QTMAN: variants seen among roughly 807,000 people sequenced by gnomAD.
QTMAN encodes queuosine-tRNA mannosyltransferase.
the QTMAN span, chr2:144,319,924 C>T: frequency 6.6e-6 from 1 of 152,194 alleles, no homozygotes; most frequent in Non-Finnish European, 1.5e-5. Flanking sequence ...TCTATTTCAG[C>T]ACTGCTAAGC....
the QTMAN span, among the ~76,000 whole-genome samples, chr2:144,201,250 T>C: frequency 6.6e-6 from 1 of 152,104 alleles, no homozygotes; most frequent in African/African-American, 2.4e-5. Flanking sequence ...GAGAAAGCCA[T>C]GAAGAACAAG....
At chr2:144,316,463 T>C in the QTMAN span, among the ~76,000 whole-genome samples, 1 of 152,164 alleles carries the variant, frequency 6.6e-6, no homozygotes, top group Non-Finnish European at 1.5e-5. Flanking sequence ...CCAGTCCTCT[T>C]TCAAGTACTT....
chr2:144,088,025 T>A, the QTMAN span, among the ~76,000 whole-genome samples: 1 of 152,036 alleles, frequency 6.6e-6, no homozygotes, highest in African/African-American at 2.4e-5. Flanking sequence ...ATTGTCCCTC[T>A]TTGCTGATAT....
At chr2:144,122,735 T>C in the QTMAN span, among the ~76,000 whole-genome samples, 2 of 152,242 alleles carry the variant, frequency 1.3e-5, no homozygotes, top group East Asian at 3.8e-4. Context: ...AGTATTCACG[T>C]ATTTTATCAG....
At chr2:143,953,107 T>C in the QTMAN span, among the ~76,000 whole-genome samples, 2 of 151,872 alleles carry the variant, frequency 1.3e-5, no homozygotes, top group Admixed American at 1.3e-4. Context: ...TTTTTTTGTT[T>C]TTAAAATACT....
At chr2:143,952,391 A>G in the QTMAN span, among the ~76,000 whole-genome samples, 1 of 151,490 alleles carries the variant, frequency 6.6e-6, no homozygotes, top group African/African-American at 2.4e-5. Flanking sequence ...CCCGTACAAC[A>G]GTTGCATATT....
At chr2:144,000,765 A>C in the QTMAN span, among the ~76,000 whole-genome samples, 1 of 152,078 alleles carries the variant, frequency 6.6e-6, no homozygotes, top group Admixed American at 6.6e-5. Context: ...TGAAAAGCAG[A>C]TGGCCAGAGC....
the QTMAN span, chr2:143,970,893 G>A: frequency 1.6e-6 from 1 of 629,966 alleles, no homozygotes; most frequent in African/African-American, 1.9e-5. Context: ...TATCCAAGTG[G>A]AGATTTCTTC....
the QTMAN span, among the ~76,000 whole-genome samples, chr2:144,123,428 G>T: frequency 1.8e-4 from 28 of 152,042 alleles, no homozygotes; most frequent in African/African-American, 5.8e-4. Flanking sequence ...GCATAAACTT[G>T]ACTTACCAGA....
the QTMAN span, among the ~76,000 whole-genome samples, chr2:144,057,863 A>C: frequency 6.6e-6 from 1 of 152,042 alleles, no homozygotes; most frequent in Non-Finnish European, 1.5e-5. Context: ...CACTTTTCAG[A>C]GTAAGGGTCT....
the QTMAN span, among the ~76,000 whole-genome samples, chr2:144,023,523 G>A: frequency 9.9e-5 from 15 of 152,188 alleles, no homozygotes; most frequent in African/African-American, 3.6e-4. Flanking sequence ...GTTGTTTACA[G>A]ATCACAACAA....
the QTMAN span, among the ~76,000 whole-genome samples, chr2:144,328,777 A>G: frequency 1.3e-5 from 2 of 152,194 alleles, no homozygotes; most frequent in Non-Finnish European, 2.9e-5. Flanking sequence ...AGAAAAAAAA[A>G]GAAAGTAGTT....
chr2:144,287,479 C>T, the QTMAN span, among the ~76,000 whole-genome samples: 1 of 150,328 alleles, frequency 6.7e-6, no homozygotes, highest in South Asian at 2.1e-4. Flanking sequence ...ATTGTATGAA[C>T]ATAATATGTT....
chr2:144,196,356 ATTC>A, the QTMAN span, among the ~76,000 whole-genome samples: 2 of 152,088 alleles, frequency 1.3e-5, no homozygotes, highest in Admixed American at 6.6e-5. Flanking sequence ...ACTAATTCAC[ATTC>A]TTATCTACTT....
At chr2:144,292,505 T>C in the QTMAN span, among the ~76,000 whole-genome samples, 1 of 152,212 alleles carries the variant, frequency 6.6e-6, no homozygotes, top group Non-Finnish European at 1.5e-5. Flanking sequence ...CACTAGTCTT[T>C]CTTTCTTATT....
the QTMAN span, chr2:143,951,972 CAAT>C: frequency 7.3e-7 from 1 of 1,377,266 alleles, no homozygotes; most frequent in South Asian, 1.2e-5. Context: ...AATCTCTTCT[CAAT>C]AACTACCTTA....
chr2:144,238,165 T>A, the QTMAN span, among the ~76,000 whole-genome samples: 1 of 152,192 alleles, frequency 6.6e-6, no homozygotes, highest in African/African-American at 2.4e-5. Context: ...TGCTCTTGCA[T>A]CACGCCTTCC....
chr2:144,103,989 C>T, the QTMAN span, among the ~76,000 whole-genome samples: 1 of 152,110 alleles, frequency 6.6e-6, no homozygotes, highest in East Asian at 1.9e-4. Context: ...ACTCAGGAGG[C>T]TGAGGCACGA....
At chr2:144,216,584 ACACATTTTATTATGTTCTCTTTCAAATAC>A in the QTMAN span, among the ~76,000 whole-genome samples, 1 of 152,090 alleles carries the variant, frequency 6.6e-6, no homozygotes, top group African/African-American at 2.4e-5. Context: ...GTATATCTGG[ACACATTTTATTATGTTCTCTTTCAAATAC>A]TGATTCTTTT....
Sources: gnomAD v4.1 joint callset for allele counts (sites outside exome capture counted in the v4.1 genomes callset) on GRCh38, gnomAD v4.1.1 for gene constraint, MANE v1.5 for transcripts, NCBI Gene and HGNC (gene_info 2026-07-23, HGNC 2026-07-21) for gene names.